ROBO2: variants seen among roughly 807,000 people sequenced by gnomAD.
ROBO2 encodes the protein roundabout homolog 2.
ROBO2 carries 53 observed loss-of-function variants against 160.8 expected under a neutral mutation model. The observed-to-expected ratio is 0.33, with a 90% confidence interval of 0.26 to 0.41. The LOEUF (loss-of-function observed/expected upper bound fraction) is 0.41. Among genes scored for constraint, ROBO2 ranks in the 10% least tolerant of loss-of-function variants. The probability of loss-of-function intolerance (pLI) is 1.00; values close to 1 mark genes in which losing one functional copy is unlikely to be tolerated. For synonymous variants in ROBO2, 664 were observed against 611.7 expected, an observed-to-expected ratio of 1.09 and a Z score of -1.26; for missense variants, 1,577 against 1,722.4, an observed-to-expected ratio of 0.92 and a Z score of 1.49.
At chr3:77,623,062 C>T (rs888574514) in intron 23 of ROBO2, among the ~76,000 whole-genome samples, 4 of 152,116 alleles carry the variant, frequency 2.6e-5, no homozygotes, top group African/African-American at 9.7e-5. Flanking sequence ...CATTGGTACT[C>T]TTCTATGATG....
At chr3:76,452,570 A>G (rs2077530700) in intron 2 of ROBO2, among the ~76,000 whole-genome samples, 1 of 152,074 alleles carries the variant, frequency 6.6e-6, no homozygotes. Flanking sequence ...AATCCAGTCT[A>G]TCATTGGTGG....
intron 2 of ROBO2, among the ~76,000 whole-genome samples, chr3:77,364,537 T>C (rs911079781): frequency 6.6e-6 from 1 of 152,064 alleles, no homozygotes; most frequent in African/African-American, 2.4e-5. Flanking sequence ...ATATCAGAGG[T>C]TCTCTGGTTA....
At chr3:77,599,613 G>A (rs531747499) in intron 19 of ROBO2, among the ~76,000 whole-genome samples, 2 of 151,734 alleles carry the variant, frequency 1.3e-5, no homozygotes, top group Admixed American at 1.3e-4. Context: ...TAACCTGCAC[G>A]TTGTGCCCAT....
intron 2 of ROBO2, among the ~76,000 whole-genome samples, chr3:77,122,324 A>G (rs2074860023): frequency 6.6e-6 from 1 of 152,162 alleles, no homozygotes; most frequent in African/African-American, 2.4e-5. Flanking sequence ...ATTTGTGGTC[A>G]TGAACATATT....
In ROBO2 at chr3:76,190,407, A is replaced by G. The variant is rs570026615; in HGVS notation, c.109+252805A>G. ...TGGTAGCAATAAAAACGAAGTATGT[A>G]TCATTTAAGGTGGCCTTAATAGCTG... On this transcript the variant is annotated intron_variant, in intron 2 of 26. Coordinates refer to the ROBO2 transcript ENST00000487694. Among the ~76,000 whole-genome samples the G allele has an allele frequency of 3.9e-5, 6 of 152,264 alleles. No homozygotes were observed. The East Asian group carries it at 1.2e-3, about 29-fold the overall frequency.
chr3:77,579,019 A>G (rs181106610), intron 15 of ROBO2, among the ~76,000 whole-genome samples: 52 of 152,266 alleles, frequency 3.4e-4, no homozygotes, highest in African/African-American at 1.1e-3. Flanking sequence ...ATATATCAAT[A>G]AAAGAAACAC....
chr3:76,529,945 C>T (rs1340016219), intron 2 of ROBO2, among the ~76,000 whole-genome samples: 3 of 152,162 alleles, frequency 2.0e-5, no homozygotes, highest in Non-Finnish European at 2.9e-5. Flanking sequence ...CTGCTTTGGC[C>T]TCCCTATGTA....
chr3:77,475,074 A>T (rs750948917), intron 2 of ROBO2, among the ~76,000 whole-genome samples: 5 of 151,752 alleles, frequency 3.3e-5, no homozygotes, highest in Non-Finnish European at 7.4e-5. Context: ...CAACTGAGAG[A>T]GAGAGAGAGA....
At chr3:77,453,893 A>G (rs2081354991) in intron 2 of ROBO2, among the ~76,000 whole-genome samples, 1 of 152,160 alleles carries the variant, frequency 6.6e-6, no homozygotes, top group South Asian at 2.1e-4. Flanking sequence ...GCTTCCAGGA[A>G]GAACAGTGAA....
intron 1 of ROBO2, among the ~76,000 whole-genome samples, chr3:75,908,264 G>A (rs1310450803): frequency 2.0e-5 from 3 of 152,050 alleles, no homozygotes; most frequent in South Asian, 4.1e-4. Context: ...GAGCTTAAAG[G>A]TTTCTCAGAT....
intron 2 of ROBO2, among the ~76,000 whole-genome samples, chr3:77,421,360 A>G (rs1339336810): frequency 6.6e-6 from 1 of 152,116 alleles, no homozygotes; most frequent in Non-Finnish European, 1.5e-5. Flanking sequence ...TTGTTTTACT[A>G]CAATCTGATC....
intron 2 of ROBO2, among the ~76,000 whole-genome samples, chr3:76,619,877 A>C (rs2088923794): frequency 6.6e-6 from 1 of 152,196 alleles, no homozygotes; most frequent in South Asian, 2.1e-4. Flanking sequence ...TTTGGAAGAA[A>C]GTCTTAAGGA....
At chr3:77,348,575 T>C (rs1241522802) in intron 2 of ROBO2, among the ~76,000 whole-genome samples, 1 of 152,186 alleles carries the variant, frequency 6.6e-6, no homozygotes, top group Admixed American at 6.5e-5. Context: ...AGTTTCAGCC[T>C]TATTTTGCCC....
intron 2 of ROBO2, among the ~76,000 whole-genome samples, chr3:76,384,586 TATA>T (rs948348465): frequency 1.6e-4 from 25 of 152,294 alleles, no homozygotes; most frequent in African/African-American, 5.8e-4. Flanking sequence ...CTGGGTAATT[TATA>T]AAGGAAAGAG....
intron 2 of ROBO2, among the ~76,000 whole-genome samples, chr3:76,325,505 A>C (rs1471932290): frequency 1.3e-5 from 2 of 152,142 alleles, no homozygotes; most frequent in Non-Finnish European, 2.9e-5. Flanking sequence ...GTCAGGTATC[A>C]GACCATACTT....
Position 77,395,141 on chromosome 3 carries a change from A to G in ROBO2, c.389-82273A>G, listed in dbSNP as rs79614212. 7.8e-4 allele frequency among the ~76,000 whole-genome samples: 119 copies of G among 152,228 alleles called. No individual in the cohort carries two copies. The East Asian group carries it at 0.017, about 22-fold the overall frequency. ...CTATTTTCTACCCTCCCTCCTCCAT[A>G]TAGGATTGCCACAGTCTAATTTCCT... On this transcript the variant is annotated intron_variant, in intron 2 of 25. Coordinates refer to ENST00000461745, the Ensembl canonical transcript of ROBO2.
intron 2 of ROBO2, among the ~76,000 whole-genome samples, chr3:77,412,916 T>TA (rs935483853): frequency 1.3e-4 from 20 of 152,238 alleles, no homozygotes; most frequent in African/African-American, 4.1e-4. Context: ...TCATTTATTT[T>TA]AAAAAAATAC....
Position 76,104,114 on chromosome 3 carries a change from A to G in ROBO2, c.109+166512A>G, listed in dbSNP as rs559725084. ...CTTTAGCTTATAGGCCAGTGTGTTC[A>G]TTATTTCCTAGAAAACAAATCTGGA... On this transcript the variant is annotated intron_variant, in intron 2 of 26. Transcript: ENST00000487694. 2.0e-5 allele frequency among the ~76,000 whole-genome samples: 3 copies of G among 152,322 alleles called. No homozygotes were observed. In the South Asian group the frequency reaches 6.2e-4, roughly 32 times the overall value.
At chr3:76,996,889 C>T (rs149776571) in intron 2 of ROBO2, among the ~76,000 whole-genome samples, 1 of 152,252 alleles carries the variant, frequency 6.6e-6, no homozygotes, top group East Asian at 1.9e-4. Flanking sequence ...TGTCCCCTAT[C>T]ATTATTAACT....
Sources: gnomAD v4.1 joint callset for allele counts (sites outside exome capture counted in the v4.1 genomes callset) on GRCh38, gnomAD v4.1.1 for gene constraint, MANE v1.5 for transcripts, NCBI Gene and HGNC (gene_info 2026-07-23, HGNC 2026-07-21) for gene names.